The following MEIKIN variants were observed in gnomAD, a reference collection of about 807,000 sequenced individuals.
MEIKIN encodes the protein meiotic kinetochore factor.
At chr5:131,862,971 T>C (rs112703698) in intron 9 of MEIKIN, among the ~76,000 whole-genome samples, 2,507 of 152,328 alleles carry the variant, frequency 0.016, 54 homozygotes, top group African/African-American at 0.053. Flanking sequence ...AGTGCTGGGA[T>C]TACAAGCATG....
At chr5:131,820,159 C>T (rs1322795189) in intron 11 of MEIKIN, among the ~76,000 whole-genome samples, 1 of 149,924 alleles carries the variant, frequency 6.7e-6, no homozygotes, top group Non-Finnish European at 1.5e-5. Context: ...GCAACCTCTG[C>T]CTCCCAGGTC....
chr5:131,846,069 C>A (rs575158377), intron 11 of MEIKIN, among the ~76,000 whole-genome samples: 3 of 152,304 alleles, frequency 2.0e-5, no homozygotes, highest in Admixed American at 6.5e-5. Context: ...ATAAGATAAT[C>A]AACAGATTTC....
At chr5:131,869,735 G>C (rs986247890) in intron 9 of MEIKIN, among the ~76,000 whole-genome samples, 1 of 152,152 alleles carries the variant, frequency 6.6e-6, no homozygotes, top group Non-Finnish European at 1.5e-5. Context: ...GTGGCAGGGG[G>C]ACCACCTACG....
chr5:131,907,692 T>C (rs2202813), intron 8 of MEIKIN, among the ~76,000 whole-genome samples: 1 of 151,234 alleles, frequency 6.6e-6, no homozygotes, highest in African/African-American at 2.4e-5. Context: ...ACCAACATGG[T>C]GAAACCCCAT....
chr5:131,836,691 T>C (rs1041818889), intron 11 of MEIKIN, among the ~76,000 whole-genome samples: 8 of 152,268 alleles, frequency 5.3e-5, no homozygotes, highest in Admixed American at 3.3e-4. Flanking sequence ...GCCACATGTA[T>C]GTCGTCTTCT....
At chr5:131,813,661 T>TCATGATCC (rs1332250968) in intron 12 of MEIKIN, among the ~76,000 whole-genome samples, 1 of 151,992 alleles carries the variant, frequency 6.6e-6, no homozygotes, top group Non-Finnish European at 1.5e-5. Context: ...TCTCCTGATC[T>TCATGATCC]CATGATCCGC....
At chr5:131,829,172 A>T (rs2149605999) in intron 11 of MEIKIN, among the ~76,000 whole-genome samples, 1 of 152,348 alleles carries the variant, frequency 6.6e-6, no homozygotes, top group Non-Finnish European at 1.5e-5. Flanking sequence ...GGAAGCTAGA[A>T]CTACAATAAA....
At chr5:131,915,111 C>A (rs1019117355) in intron 7 of MEIKIN, among the ~76,000 whole-genome samples, 3 of 152,056 alleles carry the variant, frequency 2.0e-5, no homozygotes, top group South Asian at 2.1e-4. Flanking sequence ...AAGAAAGTGG[C>A]CAAATTTACA....
chr5:131,871,844 A>T (rs1459828930), intron 9 of MEIKIN, among the ~76,000 whole-genome samples: 14 of 152,064 alleles, frequency 9.2e-5, no homozygotes, highest in Admixed American at 9.2e-4. Flanking sequence ...GTTCACCAAT[A>T]TCCGATGTTC....
chr5:131,847,152 A>T (rs970342079), intron 11 of MEIKIN, among the ~76,000 whole-genome samples: 4 of 152,194 alleles, frequency 2.6e-5, no homozygotes, highest in African/African-American at 9.6e-5. Context: ...GGACAAAAAA[A>T]GATAAAGGCA....
At chr5:131,887,171 T>A (rs1750812738) in intron 8 of MEIKIN, among the ~76,000 whole-genome samples, 1 of 152,140 alleles carries the variant, frequency 6.6e-6, no homozygotes, top group South Asian at 2.1e-4. Flanking sequence ...TCATACTTTT[T>A]TATGGCTGCA....
intron 9 of MEIKIN, among the ~76,000 whole-genome samples, chr5:131,871,847 C>T (rs1483631757): frequency 2.6e-5 from 4 of 152,230 alleles, no homozygotes; most frequent in East Asian, 3.9e-4. Flanking sequence ...CACCAATATC[C>T]GATGTTCTGC....
intron 7 of MEIKIN, 98 bp downstream of exon 7, chr5:131,916,788 G>T: frequency 2.6e-6 from 1 of 388,326 alleles, no homozygotes; most frequent in South Asian, 1.3e-4. Context: ...AATAATAAAT[G>T]AACACCTGAG....
chr5:131,841,995 A>G (rs1224222920), intron 11 of MEIKIN, among the ~76,000 whole-genome samples: 1 of 151,908 alleles, frequency 6.6e-6, no homozygotes, highest in Non-Finnish European at 1.5e-5. Flanking sequence ...ATCTACAGAG[A>G]CAATTTAACT....
chr5:131,937,575 T>C (rs1276314787), intron 4 of MEIKIN, among the ~76,000 whole-genome samples: 2 of 152,044 alleles, frequency 1.3e-5, no homozygotes, highest in African/African-American at 4.8e-5. Flanking sequence ...ATATGAGTAA[T>C]ATACCTTTCC....
At chr5:131,898,854 G>C (rs1185994142) in intron 8 of MEIKIN, among the ~76,000 whole-genome samples, 1 of 152,228 alleles carries the variant, frequency 6.6e-6, no homozygotes, top group African/African-American at 2.4e-5. Context: ...GGCTAGGAAA[G>C]GGAAATCCCC....
intron 8 of MEIKIN, among the ~76,000 whole-genome samples, chr5:131,908,413 C>A (rs112001981): frequency 1.3e-5 from 2 of 151,990 alleles, no homozygotes; most frequent in African/African-American, 2.4e-5. Context: ...ACAGTAGGTA[C>A]GGAAGGAACA....
At chr5:131,845,887 TG>T (rs1750009933) in intron 11 of MEIKIN, among the ~76,000 whole-genome samples, 1 of 152,038 alleles carries the variant, frequency 6.6e-6, no homozygotes, top group Non-Finnish European at 1.5e-5. Flanking sequence ...GAAGAAATAA[TG>T]ACTGAAATTT....
At chr5:131,885,338 T>TGGAGAGA (rs1750763728) in intron 8 of MEIKIN, among the ~76,000 whole-genome samples, 1 of 95,218 alleles carries the variant, frequency 1.1e-5, no homozygotes, top group Non-Finnish European at 1.9e-5. Flanking sequence ...CACTCAGAAC[T>TGGAGAGA]GAAAGAGAGA....
Sources: allele counts gnomAD v4.1 joint callset (sites outside exome capture counted in the v4.1 genomes callset), GRCh38; gene constraint gnomAD v4.1.1; transcripts MANE v1.5; gene names NCBI Gene and HGNC (gene_info 2026-07-23, HGNC 2026-07-21).